ELAVL2: variants seen among roughly 807,000 people sequenced by gnomAD.
ELAVL2 encodes ELAV like RNA binding protein 2.
A neutral mutation model predicts 34.6 loss-of-function variants in ELAVL2; 4 were observed. That is an observed-to-expected ratio of 0.12 (90% CI 0.06 to 0.26). The LOEUF (loss-of-function observed/expected upper bound fraction) is 0.26. ELAVL2 is among the 10% of genes least tolerant of loss of function. The pLI is 1.00. For synonymous variants in ELAVL2, 193 were observed against 154.8 expected, an observed-to-expected ratio of 1.25 and a Z score of -1.83; for missense variants, 432 against 442.8, an observed-to-expected ratio of 0.98 and a Z score of 0.22.
chr9:23,808,360 T>C (rs1213384771), intron 1 of ELAVL2, among the ~76,000 whole-genome samples: 3 of 152,146 alleles, frequency 2.0e-5, no homozygotes, highest in African/African-American at 7.2e-5. Flanking sequence ...TATTCACTAC[T>C]ATAGTCTTAA....
the ELAVL2 span, among the ~76,000 whole-genome samples, chr9:23,832,764 ATG>A: frequency 2.7e-3 from 411 of 152,318 alleles, 3 homozygotes; most frequent in Middle Eastern, 0.014. Flanking sequence ...AACTTCAAAA[ATG>A]TGATCGATCT....
intron 2 of ELAVL2, among the ~76,000 whole-genome samples, chr9:23,761,690 A>C (rs996590511): frequency 4.6e-5 from 7 of 152,026 alleles, no homozygotes; most frequent in African/African-American, 1.7e-4. Flanking sequence ...ACTTAAATAC[A>C]CTCAGGGTAC....
At chr9:23,813,778 A>G (rs1277753304) in intron 1 of ELAVL2, among the ~76,000 whole-genome samples, 4 of 152,214 alleles carry the variant, frequency 2.6e-5, no homozygotes, top group Admixed American at 1.3e-4. Context: ...AGACTATAAG[A>G]TCTAAATATG....
At chr9:23,751,900 T>C (rs2052156557) in intron 2 of ELAVL2, among the ~76,000 whole-genome samples, 1 of 152,168 alleles carries the variant, frequency 6.6e-6, no homozygotes, top group South Asian at 2.1e-4. Context: ...TTAATCATCA[T>C]TCTGGGCTCC....
At chr9:23,738,810 A>C (rs1345137608) in intron 2 of ELAVL2, among the ~76,000 whole-genome samples, 1 of 152,168 alleles carries the variant, frequency 6.6e-6, no homozygotes, top group African/African-American at 2.4e-5. Context: ...GAGAGCGGTT[A>C]ATGTCCTCAG....
At chr9:23,773,167 A>G (rs578087972) in intron 1 of ELAVL2, among the ~76,000 whole-genome samples, 1 of 152,346 alleles carries the variant, frequency 6.6e-6, no homozygotes, top group South Asian at 2.1e-4. Flanking sequence ...AAGTATCTCA[A>G]GGAAATGTCT....
intron 2 of ELAVL2, among the ~76,000 whole-genome samples, chr9:23,738,131 C>G (rs536720424): frequency 6.6e-6 from 1 of 152,206 alleles, no homozygotes; most frequent in Admixed American, 6.5e-5. Flanking sequence ...AGGCTGTGCA[C>G]TGCAACTCTG....
chr9:23,809,213 T>C (rs142922389), intron 1 of ELAVL2, among the ~76,000 whole-genome samples: 2 of 152,286 alleles, frequency 1.3e-5, no homozygotes, highest in East Asian at 1.9e-4. Context: ...GCTTGAAATA[T>C]GTAGAGACAA....
At chr9:23,782,047 C>G (rs2059138053) in intron 1 of ELAVL2, among the ~76,000 whole-genome samples, 1 of 152,026 alleles carries the variant, frequency 6.6e-6, no homozygotes. Context: ...TCTCAAACTC[C>G]TAGGTTCAAA....
At chr9:23,808,800 C>T (rs2062589697) in intron 1 of ELAVL2, among the ~76,000 whole-genome samples, 1 of 152,010 alleles carries the variant, frequency 6.6e-6, no homozygotes, top group Admixed American at 6.6e-5. Flanking sequence ...ATGAAAAATT[C>T]CTTATGGGTA....
At chr9:23,777,433 A>G (rs1295045946) in intron 1 of ELAVL2, among the ~76,000 whole-genome samples, 1 of 152,082 alleles carries the variant, frequency 6.6e-6, no homozygotes, top group Admixed American at 6.6e-5. Context: ...GAGAATCACT[A>G]TAAGGGAAAT....
chr9:23,746,451 G>GA (rs1027006757), intron 2 of ELAVL2, among the ~76,000 whole-genome samples: 3 of 152,140 alleles, frequency 2.0e-5, no homozygotes. Context: ...AGCGTTTTCA[G>GA]AATGAGTAAG....
intron 2 of ELAVL2, among the ~76,000 whole-genome samples, chr9:23,742,910 T>G (rs151130753): frequency 6.6e-6 from 1 of 152,234 alleles, no homozygotes; most frequent in East Asian, 1.9e-4. Flanking sequence ...TTTACATGCT[T>G]AGGAAAAATT....
chr9:23,785,860 T>C (rs551553202), intron 1 of ELAVL2, among the ~76,000 whole-genome samples: 6 of 152,342 alleles, frequency 3.9e-5, no homozygotes, highest in African/African-American at 7.2e-5. Flanking sequence ...CACTCAAAAA[T>C]AAAGTATCTC....
At chr9:23,746,782 C>T (rs538268597) in intron 2 of ELAVL2, among the ~76,000 whole-genome samples, 1 of 145,566 alleles carries the variant, frequency 6.9e-6, no homozygotes, top group African/African-American at 2.6e-5. Flanking sequence ...CTTGGATCCA[C>T]GAACATCCTT....
intron 1 of ELAVL2, among the ~76,000 whole-genome samples, chr9:23,816,346 A>AAAG (rs754346684): frequency 3.1e-5 from 4 of 130,966 alleles, no homozygotes; most frequent in Admixed American, 9.0e-5. Context: ...AAAAAAAAAA[A>AAAG]GGGGATAAAA....
At chr9:23,813,975 C>T (rs763283024) in intron 1 of ELAVL2, among the ~76,000 whole-genome samples, 24 of 152,186 alleles carry the variant, frequency 1.6e-4, no homozygotes, top group Non-Finnish European at 2.9e-4. Context: ...ACAAGCCATG[C>T]TTCATCCTTA....
At chr9:23,725,738 G>C (rs966900635) in intron 3 of ELAVL2, among the ~76,000 whole-genome samples, 1 of 152,078 alleles carries the variant, frequency 6.6e-6, no homozygotes, top group African/African-American at 2.4e-5. Flanking sequence ...GAAAGAAGAA[G>C]GCAATTAAAA....
chr9:23,849,164 AC>A, the ELAVL2 span, among the ~76,000 whole-genome samples: 1 of 152,280 alleles, frequency 6.6e-6, no homozygotes, highest in South Asian at 2.1e-4. Context: ...CATGGAATAT[AC>A]CTCCTATTTA....
Sources: gnomAD v4.1 joint callset for allele counts (sites outside exome capture counted in the v4.1 genomes callset) on GRCh38, gnomAD v4.1.1 for gene constraint, MANE v1.5 for transcripts, NCBI Gene and HGNC (gene_info 2026-07-23, HGNC 2026-07-21) for gene names.